HDAC9: variants seen among roughly 807,000 people sequenced by gnomAD.
HDAC9 encodes the protein MEF-2 interacting transcription repressor (MITR) protein.
Under a neutral mutation model 139.4 loss-of-function variants are expected in HDAC9, and 41 were observed. The observed-to-expected ratio is 0.29, with a 90% confidence interval of 0.23 to 0.38. The LOEUF is 0.38. Among genes scored for constraint, HDAC9 ranks in the 10% least tolerant of loss-of-function variants. HDAC9 has a pLI of 1.00. For missense variants in HDAC9, 1,147 were observed against 1,297.0 expected (o/e 0.88, Z 1.78); for synonymous variants, 517 against 476.2 (o/e 1.09, Z -1.12).
chr7:18,578,081 T>C, intron 2 of HDAC9: 1 of 513,648 alleles, frequency 1.9e-6, no homozygotes, highest in South Asian at 1.4e-5. Flanking sequence ...ATCCCAAAGA[T>C]CCCTTTCCCA....
At chr7:18,855,855 A>G (rs1797635917) in intron 21 of HDAC9, among the ~76,000 whole-genome samples, 1 of 152,078 alleles carries the variant, frequency 6.6e-6, no homozygotes, top group Non-Finnish European at 1.5e-5. Context: ...GCAGTAATGG[A>G]AACATTCCTT....
chr7:18,736,781 A>G (rs183041145), intron 13 of HDAC9, among the ~76,000 whole-genome samples: 25 of 152,154 alleles, frequency 1.6e-4, no homozygotes, highest in Admixed American at 1.5e-3. Flanking sequence ...CTCTTTTTCT[A>G]TTTATTGGAA....
chr7:18,771,546 T>A (rs1466586479), intron 16 of HDAC9, among the ~76,000 whole-genome samples: 1 of 140,848 alleles, frequency 7.1e-6, no homozygotes, highest in Non-Finnish European at 1.5e-5. Context: ...TATGTGTGTG[T>A]GTGTGTGTGT....
intron 1 of HDAC9, among the ~76,000 whole-genome samples, chr7:18,140,614 T>C (rs1785830421): frequency 6.6e-6 from 1 of 152,206 alleles, no homozygotes; most frequent in East Asian, 1.9e-4. Context: ...GCAGTTACTA[T>C]ATCCATCTAA....
At chr7:18,623,292 C>G (rs1738488386) in intron 6 of HDAC9, among the ~76,000 whole-genome samples, 1 of 152,030 alleles carries the variant, frequency 6.6e-6, no homozygotes, top group African/African-American at 2.4e-5. Flanking sequence ...TATGTGAAGT[C>G]AGTTATTAAC....
intron 12 of HDAC9, among the ~76,000 whole-genome samples, chr7:18,673,190 G>A (rs1365513809): frequency 6.6e-6 from 1 of 152,008 alleles, no homozygotes; most frequent in Non-Finnish European, 1.5e-5. Context: ...TAGGGCAGGA[G>A]GATTGTTGAG....
At chr7:18,234,354 G>A (rs1372884961) in intron 2 of HDAC9, among the ~76,000 whole-genome samples, 2 of 152,164 alleles carry the variant, frequency 1.3e-5, no homozygotes, top group African/African-American at 4.8e-5. Context: ...GAGAATAAGT[G>A]TTATAGAAAT....
At chr7:18,400,061 G>C (rs1787396380) in intron 1 of HDAC9, among the ~76,000 whole-genome samples, 1 of 152,172 alleles carries the variant, frequency 6.6e-6, no homozygotes. Context: ...ATTTGGAGAG[G>C]TTATGGGTGA....
chr7:18,311,354 A>G (rs1045250750), intron 1 of HDAC9, among the ~76,000 whole-genome samples: 1 of 152,124 alleles, frequency 6.6e-6, no homozygotes, highest in African/African-American at 2.4e-5. Context: ...AGAAATAATG[A>G]ATCAACTTTT....
chr7:18,519,541 C>T (rs1180826187), intron 2 of HDAC9, among the ~76,000 whole-genome samples: 1 of 152,096 alleles, frequency 6.6e-6, no homozygotes, highest in Non-Finnish European at 1.5e-5. Context: ...ATGATTAACA[C>T]ATCAATGAGG....
At chr7:18,418,302 A>C (rs1013795709) in intron 1 of HDAC9, among the ~76,000 whole-genome samples, 4 of 152,160 alleles carry the variant, frequency 2.6e-5, no homozygotes. Flanking sequence ...TCCACTTCAG[A>C]GAGTAAAACT....
intron 1 of HDAC9, among the ~76,000 whole-genome samples, chr7:18,110,836 C>A (rs973809057): frequency 5.9e-5 from 9 of 151,978 alleles, no homozygotes; most frequent in Non-Finnish European, 1.3e-4. Context: ...ATGGGGAAGA[C>A]AAAATGGATA....
At chr7:18,687,685 G>T (rs1782372449) in intron 12 of HDAC9, among the ~76,000 whole-genome samples, 1 of 151,874 alleles carries the variant, frequency 6.6e-6, no homozygotes, top group Non-Finnish European at 1.5e-5. Flanking sequence ...AGACCTGAAG[G>T]TTAATTAATG....
At chr7:18,243,789 A>C (rs569321026) in intron 2 of HDAC9, among the ~76,000 whole-genome samples, 1 of 152,334 alleles carries the variant, frequency 6.6e-6, no homozygotes, top group East Asian at 1.9e-4. Context: ...TTATTTTTCT[A>C]TCTGTGATTA....
chr7:18,240,714 T>C (rs918452803), intron 2 of HDAC9, among the ~76,000 whole-genome samples: 2 of 152,180 alleles, frequency 1.3e-5, no homozygotes, highest in Admixed American at 6.5e-5. Flanking sequence ...AAAGTCATCC[T>C]CTTCCACGGT....
chr7:18,925,882 A>G (rs564504185), intron 22 of HDAC9, among the ~76,000 whole-genome samples: 1 of 152,164 alleles, frequency 6.6e-6, no homozygotes, highest in Non-Finnish European at 1.5e-5. Context: ...TCATAAGAGC[A>G]TAACATTTTT....
At position 18,975,928 on chromosome 7, in the gene HDAC9, C is replaced by A. The variant is rs753935684; in HGVS notation, c.3145C>A (p.Gln1049Lys). Residue 1049 changes from glutamine to lysine, a missense_variant, in exon 25 of 26, where the codon CAG becomes AAG. Physicochemically the swap from Gln to Lys is moderately conservative, Grantham distance 53. This residue lies in a region of HDAC9 where 407 missense variants were observed against 521.5 expected (regional missense o/e 0.78). Transcript: ENST00000686413. Reference protein sequence around the residue: ...ALASLTVDVEQPFAQEDSRTA... With the variant: ...ALASLTVDVEKPFAQEDSRTA... The stretch of plus-strand genomic sequence containing the variant: ...GGCCTCCCTAACAGTGGATGTGGAA[C>A]AGCCCTTTGCTCAGGAAGACAGCAG... 4.3e-6 allele frequency: 7 copies of A among 1,613,768 alleles called. No individual in the cohort carries two copies. The highest frequency in any genetic ancestry group is 5.1e-6 in the Non-Finnish European group (6 of 1,179,790).
chr7:18,138,811 C>T (rs1001518296), intron 1 of HDAC9, among the ~76,000 whole-genome samples: 8 of 152,108 alleles, frequency 5.3e-5, no homozygotes, highest in Non-Finnish European at 1.0e-4. Context: ...TTCAATTAAT[C>T]AGGGGCAAGG....
chr7:18,994,134 A>C (rs1033828245), intron 25 of HDAC9, among the ~76,000 whole-genome samples: 1 of 152,174 alleles, frequency 6.6e-6, no homozygotes, highest in Non-Finnish European at 1.5e-5. Flanking sequence ...GATTCCTTAC[A>C]TCTGTGACCT....
Sources: allele counts gnomAD v4.1 joint callset (sites outside exome capture counted in the v4.1 genomes callset), GRCh38; gene constraint gnomAD v4.1.1; regional missense constraint gnomAD v4.1.1; transcripts MANE v1.5; gene names NCBI Gene and HGNC (gene_info 2026-07-23, HGNC 2026-07-21).